LARGE1: variants seen among roughly 807,000 people sequenced by gnomAD.
LARGE1 encodes the protein xylosyl- and glucuronyltransferase LARGE1.
LARGE1 carries 43 observed loss-of-function variants against 87.6 expected under a neutral mutation model. The observed-to-expected ratio is 0.49, with a 90% CI of 0.38 to 0.63. The LOEUF (loss-of-function observed/expected upper bound fraction) is 0.63. Among genes scored for constraint, LARGE1 ranks in the 30% least tolerant of loss-of-function variants. The pLI, the probability that LARGE1 is intolerant of heterozygous loss-of-function variation, is 0.00. For missense variants in LARGE1, 802 were observed against 1,000.2 expected, an observed-to-expected ratio of 0.80 and a Z score of 2.67; for synonymous variants, 434 against 394.6, an observed-to-expected ratio of 1.10 and a Z score of -1.18.
At chr22:33,899,243 C>T (rs527544707) in intron 1 of LARGE1, among the ~76,000 whole-genome samples, 3 of 152,266 alleles carry the variant, frequency 2.0e-5, no homozygotes, top group Non-Finnish European at 1.5e-5. Flanking sequence ...CCTGATGGTG[C>T]CCAACTCTCA....
At chr22:33,588,443 A>G (rs572685565) in intron 5 of LARGE1, among the ~76,000 whole-genome samples, 6 of 152,338 alleles carry the variant, frequency 3.9e-5, no homozygotes, top group Non-Finnish European at 7.3e-5. Context: ...AACATAGTGA[A>G]CTAGACAACC....
chr22:33,664,026 C>T lies in LARGE1; in HGVS notation c.107-13358G>A, dbSNP rs527789496. Among the ~76,000 whole-genome samples, 173 of 152,284 alleles carry T rather than the reference C, an allele frequency of 1.1e-3. 1 individual carries two copies. Among genetic ancestry groups the T allele is most frequent in the African/African-American group, 4.0e-3 (165 of 41,552 alleles). On this transcript the variant is annotated intron_variant, in intron 2 of 14. Coordinates refer to ENST00000397394, the MANE Select transcript of LARGE1 (RefSeq NM_133642.5). ...TTGGATTTCCTACTACCTTCCACAA[C>T]GTAGATAAGGTAGTGGCTCTCACCC...
intron 2 of LARGE1, among the ~76,000 whole-genome samples, chr22:33,669,033 G>A (rs16992778): frequency 0.019 from 2,892 of 152,316 alleles, 81 homozygotes; most frequent in African/African-American, 0.066. Flanking sequence ...CTCAGGCTAC[G>A]TTACTGGCAT....
At chr22:33,134,670 C>T in the LARGE1 span, among the ~76,000 whole-genome samples, 3 of 152,152 alleles carry the variant, frequency 2.0e-5, no homozygotes, top group African/African-American at 7.2e-5. Context: ...CACCCCAGGC[C>T]CCCAGAAGAA....
the LARGE1 span, among the ~76,000 whole-genome samples, chr22:33,116,677 A>G: frequency 4.7e-4 from 72 of 152,172 alleles, 1 homozygote; most frequent in East Asian, 7.1e-3. Context: ...GATTAGTTTC[A>G]ATGATTATTT....
intron 2 of LARGE1, among the ~76,000 whole-genome samples, chr22:33,717,653 C>T (rs1569400422): frequency 2.0e-5 from 3 of 152,200 alleles, no homozygotes. Context: ...CCAACAGATG[C>T]TTCTTTTGTG....
intron 5 of LARGE1, among the ~76,000 whole-genome samples, chr22:33,579,442 C>CTAA (rs1333062749): frequency 6.6e-6 from 1 of 152,184 alleles, no homozygotes; most frequent in Non-Finnish European, 1.5e-5. Context: ...TGAAAACGGA[C>CTAA]TAATACAGTG....
chr22:33,603,833 G>A (rs1277756619), intron 5 of LARGE1, among the ~76,000 whole-genome samples: 2 of 152,196 alleles, frequency 1.3e-5, no homozygotes, highest in Admixed American at 1.3e-4. Context: ...CAAAAAAATT[G>A]TAAGGGGAAG....
intron 6 of LARGE1, among the ~76,000 whole-genome samples, chr22:33,523,875 T>C (rs1006007839): frequency 2.0e-5 from 3 of 152,194 alleles, no homozygotes; most frequent in African/African-American, 4.8e-5. Context: ...GAAACTGTCA[T>C]GGGTACAATA....
chr22:33,348,761 C>T (rs2146722048), intron 9 of LARGE1, among the ~76,000 whole-genome samples: 1 of 151,514 alleles, frequency 6.6e-6, no homozygotes, highest in Admixed American at 6.6e-5. Flanking sequence ...TCAGTCTTCT[C>T]CTCCTTTCAG....
At chr22:33,469,893 T>G (rs1601983049) in intron 6 of LARGE1, among the ~76,000 whole-genome samples, 1 of 145,432 alleles carries the variant, frequency 6.9e-6, no homozygotes, top group African/African-American at 2.5e-5. Flanking sequence ...ACTCTTTTTT[T>G]TTTTTTTTTT....
At chr22:33,337,585 G>C (rs1938612563) in intron 10 of LARGE1, 61 bp downstream of exon 10, 6 of 1,596,686 alleles carry the variant, frequency 3.8e-6, no homozygotes, top group Non-Finnish European at 5.1e-6. Flanking sequence ...GCATGGGGGA[G>C]GTCCTTGATG....
chr22:33,160,323 T>A (rs951591770), downstream of LARGE1, among the ~76,000 whole-genome samples: 11 of 152,210 alleles, frequency 7.2e-5, no homozygotes, highest in African/African-American at 2.7e-4. Context: ...AGTCTGTGTA[T>A]CTGCATTCAG....
chr22:33,215,974 A>G (rs1287474906), intron 11 of LARGE1, among the ~76,000 whole-genome samples: 1 of 152,152 alleles, frequency 6.6e-6, no homozygotes, highest in Non-Finnish European at 1.5e-5. Flanking sequence ...AAAATTATTC[A>G]TCTGTTTCTA....
chr22:33,522,481 T>A (rs1390381501), intron 6 of LARGE1, among the ~76,000 whole-genome samples: 2 of 151,998 alleles, frequency 1.3e-5, no homozygotes, highest in Non-Finnish European at 2.9e-5. Flanking sequence ...GGTGGATTGC[T>A]TAAGCTCAGG....
At position 33,293,705 on chromosome 22, in the gene LARGE1, T is replaced by C. The variant is rs565220761; in HGVS notation, c.1731-10357A>G. ...TCTCATCCACATGGCAGATTCCACCTTGAATGAGCAAAGTGGAGCGGAGGT... is the reference window on the plus strand; with the variant it reads ...TCTCATCCACATGGCAGATTCCACCCTGAATGAGCAAAGTGGAGCGGAGGT... On this transcript the variant is annotated intron_variant, in intron 12 of 14. Coordinates refer to ENST00000397394, the MANE Select transcript of LARGE1 (RefSeq NM_133642.5). 4.9e-4 allele frequency among the ~76,000 whole-genome samples: 75 copies of C among 152,332 alleles called. No individual in the cohort carries two copies. The South Asian group carries it at 0.014, about 29-fold the overall frequency.
intron 2 of LARGE1, among the ~76,000 whole-genome samples, chr22:33,663,607 G>T (rs1461058943): frequency 6.6e-6 from 1 of 152,174 alleles, no homozygotes; most frequent in Non-Finnish European, 1.5e-5. Context: ...CCACCTGAGG[G>T]ACTGATCTCA....
intron 6 of LARGE1, among the ~76,000 whole-genome samples, chr22:33,462,276 T>G (rs1468743252): frequency 6.6e-6 from 1 of 151,984 alleles, no homozygotes; most frequent in Admixed American, 6.6e-5. Context: ...CAACCAAGAA[T>G]TGTAGATCCA....
At chr22:33,465,881 T>A (rs1375895051) in intron 6 of LARGE1, among the ~76,000 whole-genome samples, 5 of 152,094 alleles carry the variant, frequency 3.3e-5, no homozygotes, top group Non-Finnish European at 5.9e-5. Context: ...CCAAAATATA[T>A]CTTGGATCTA....
Sources: gnomAD v4.1 joint callset for allele counts (sites outside exome capture counted in the v4.1 genomes callset) on GRCh38, gnomAD v4.1.1 for gene constraint, MANE v1.5 for transcripts, NCBI Gene and HGNC (gene_info 2026-07-23, HGNC 2026-07-21) for gene names.